Variants in SOX5 observed in about 807,000 individuals in gnomAD.
SOX5 encodes the protein transcription factor SOX-5.
A neutral mutation model predicts 92.0 loss-of-function variants in SOX5; 9 were observed. That is an observed-to-expected ratio of 0.10 (90% CI 0.06 to 0.17). SOX5 has a LOEUF of 0.17. SOX5 is among the 10% of genes least tolerant of loss of function. The probability of loss-of-function intolerance (pLI) is 1.00; values close to 1 mark genes in which losing one functional copy is unlikely to be tolerated. For missense variants in SOX5, 642 were observed against 944.5 expected (o/e 0.68, Z 4.20); for synonymous variants, 344 against 336.3 (o/e 1.02, Z -0.25).
chr12:23,958,437 G>C (rs957565269), intron 4 of SOX5, among the ~76,000 whole-genome samples: 2 of 151,868 alleles, frequency 1.3e-5, no homozygotes, highest in Admixed American at 6.6e-5. Context: ...ATCCTAGTCT[G>C]CTTCATTAAC....
At chr12:24,097,871 A>G (rs1227441507) in intron 4 of SOX5, among the ~76,000 whole-genome samples, 1 of 152,122 alleles carries the variant, frequency 6.6e-6, no homozygotes, top group African/African-American at 2.4e-5. Flanking sequence ...CTACTGTATG[A>G]TTCATCTCCC....
At chr12:23,864,749 G>A (rs185826333) in intron 2 of SOX5, among the ~76,000 whole-genome samples, 78 of 152,280 alleles carry the variant, frequency 5.1e-4, no homozygotes, top group Middle Eastern at 6.8e-3. Flanking sequence ...GAGATTTAAG[G>A]AAAGAAGCAA....
intron 4 of SOX5, among the ~76,000 whole-genome samples, chr12:23,985,855 G>A (rs1268801722): frequency 3.9e-5 from 6 of 151,926 alleles, no homozygotes; most frequent in Admixed American, 3.9e-4. Flanking sequence ...GGAAGTTCTT[G>A]GGAAGAATTC....
intron 2 of SOX5, among the ~76,000 whole-genome samples, chr12:23,850,252 AACCCCGTCTCT>A (rs1239123432): frequency 5.9e-5 from 9 of 151,962 alleles, no homozygotes; most frequent in Non-Finnish European, 1.3e-4. Flanking sequence ...AACATGGTGA[AACCCCGTCTCT>A]ACTATAAATA....
In SOX5 at chr12:24,424,813, G is replaced by T. The variant is rs866038069; in HGVS notation, c.-250-56174C>A. Among the ~76,000 whole-genome samples, 12 of 150,842 alleles carry T rather than the reference G, an allele frequency of 8.0e-5. No individual in the cohort carries two copies. In the South Asian group the frequency reaches 1.1e-3, roughly 13 times the overall value. On this transcript the variant is annotated intron_variant, in intron 1 of 4. Coordinates refer to the SOX5 transcript ENST00000446891. ...TTCTTTGTGAGTTTTTTTTTTGGGG[G>T]GGGGGGATGGCTGTTTTTCCCCCTA...
intron 1 of SOX5, among the ~76,000 whole-genome samples, chr12:23,937,108 A>G (rs1942746062): frequency 6.6e-6 from 1 of 151,034 alleles, no homozygotes; most frequent in African/African-American, 2.4e-5. Flanking sequence ...ACCTCAACAA[A>G]TCAATAAGCT....
At chr12:24,037,173 A>G (rs1410271195) in intron 4 of SOX5, among the ~76,000 whole-genome samples, 1 of 152,146 alleles carries the variant, frequency 6.6e-6, no homozygotes, top group Non-Finnish European at 1.5e-5. Context: ...CCATCATTTG[A>G]ACTCTCCCTG....
chr12:24,049,827 C>A (rs1224630380), intron 4 of SOX5, among the ~76,000 whole-genome samples: 4 of 151,294 alleles, frequency 2.6e-5, no homozygotes, highest in African/African-American at 9.7e-5. Context: ...AATTAAACAC[C>A]ATTGCTGCAG....
At chr12:24,406,753 C>T (rs1054782283) in intron 1 of SOX5, among the ~76,000 whole-genome samples, 1 of 151,992 alleles carries the variant, frequency 6.6e-6, no homozygotes, top group South Asian at 2.1e-4. Context: ...TAAGAATGAA[C>T]TTGTGAAGTA....
At chr12:24,553,421 TG>T (rs1437635439) in intron 1 of SOX5, among the ~76,000 whole-genome samples, 1 of 152,178 alleles carries the variant, frequency 6.6e-6, no homozygotes, top group Non-Finnish European at 1.5e-5. Flanking sequence ...ACTCAAGAGC[TG>T]TTCGTTTTCC....
chr12:24,068,743 TATATAC>T lies in SOX5; in HGVS notation c.-2+144594_-2+144599del, dbSNP rs1207492274. Among the ~76,000 whole-genome samples, 513 of 79,524 alleles carry T rather than the reference TATATAC, an allele frequency of 6.5e-3. 7 individuals carry two copies. The highest frequency in any genetic ancestry group is 0.026 in the South Asian group (69 of 2,652). The allele number at this position is 79,524 out of a possible 152,430, so 52.2% of individuals were successfully genotyped here. On this transcript the variant is annotated intron_variant, in intron 4 of 4. Transcript: ENST00000446891. ...ATATATATATATATATATATATATA[TATATAC>T]ACACACACACATTAGTTCCTAGTTT...
At chr12:24,492,977 C>T (rs79036923) in intron 1 of SOX5, among the ~76,000 whole-genome samples, 2,528 of 152,220 alleles carry the variant, frequency 0.017, 76 homozygotes, top group African/African-American at 0.057. Context: ...GCCATGAGCA[C>T]CCCTGATAAT....
intron 4 of SOX5, among the ~76,000 whole-genome samples, chr12:24,180,725 A>T (rs74931533): frequency 0.04 from 6,119 of 152,346 alleles, 145 homozygotes; most frequent in Middle Eastern, 0.058. Flanking sequence ...AATCATAAAC[A>T]TCTATTTCAC....
At chr12:24,478,246 G>T (rs1357562107) in intron 1 of SOX5, among the ~76,000 whole-genome samples, 1 of 152,056 alleles carries the variant, frequency 6.6e-6, no homozygotes, top group African/African-American at 2.4e-5. Flanking sequence ...TATTGTATTT[G>T]ATATTAAAAT....
intron 3 of SOX5, among the ~76,000 whole-genome samples, chr12:23,816,489 C>T (rs754259766): frequency 2.6e-5 from 4 of 152,022 alleles, no homozygotes; most frequent in African/African-American, 4.8e-5. Context: ...TGAGCCACTG[C>T]GCCTAGCCAG....
intron 2 of SOX5, among the ~76,000 whole-genome samples, chr12:23,880,622 G>T (rs780690719): frequency 3.9e-5 from 6 of 152,116 alleles, no homozygotes; most frequent in Non-Finnish European, 8.8e-5. Context: ...TACAGGGAAT[G>T]AAGTAGCACC....
intron 2 of SOX5, among the ~76,000 whole-genome samples, chr12:24,321,205 C>T (rs1305565215): frequency 1.3e-5 from 2 of 152,160 alleles, no homozygotes; most frequent in Non-Finnish European, 2.9e-5. Context: ...TAAGAACTCA[C>T]TTCTGATATT....
intron 1 of SOX5, among the ~76,000 whole-genome samples, chr12:24,372,946 T>C (rs1956883021): frequency 8.9e-6 from 1 of 112,304 alleles, no homozygotes; most frequent in Non-Finnish European, 1.8e-5. Context: ...AAACCCCATC[T>C]CTACCAAAAA....
Position 23,536,461 on chromosome 12 carries a change from G to C in SOX5, c.1980C>G (p.Phe660Leu). 6.2e-7 allele frequency: 1 copy of C among 1,613,514 alleles called. No individual in the cohort carries two copies. Among genetic ancestry groups the C allele is most frequent in the Non-Finnish European group, 8.5e-7 (1 of 1,179,622 alleles). ...RNRRQEMRQYFNVGQQAQIPI... is the reference protein window; with the variant it reads ...RNRRQEMRQYLNVGQQAQIPI... ...GACTAAAAGGTACATACCCAACATTGAAGTACTGCCGCATTTCCTGCCGCC... is the reference window on the plus strand; with the variant it reads ...GACTAAAAGGTACATACCCAACATTCAAGTACTGCCGCATTTCCTGCCGCC... Residue 660 changes from phenylalanine to leucine, a missense_variant, in exon 14 of 15, where the codon TTC (phenylalanine) becomes TTG (leucine). Around this residue, in one of 8 missense-constraint regions of SOX5, gnomAD observed 130 missense variants for 140.6 expected, o/e 0.92. Transcript: ENST00000451604.
Sources: allele counts gnomAD v4.1 joint callset (sites outside exome capture counted in the v4.1 genomes callset), GRCh38; gene constraint gnomAD v4.1.1; regional missense constraint gnomAD v4.1.1; transcripts MANE v1.5; gene names NCBI Gene and HGNC (gene_info 2026-07-23, HGNC 2026-07-21).